The following TBC1D4 variants were observed in gnomAD, a reference collection of about 807,000 sequenced individuals.
The protein encoded by TBC1D4 is TBC1 domain family member 4.
In TBC1D4, 121 loss-of-function variants were observed where a neutral mutation model predicts 142.5. The observed-to-expected ratio is 0.85, with a 90% CI of 0.73 to 0.99. The LOEUF is 0.99. Ranked by LOEUF, TBC1D4 falls within the 50% of genes least tolerant of loss-of-function variation. The pLI, the probability that TBC1D4 is intolerant of heterozygous loss-of-function variation, is 0.00. For missense variants in TBC1D4, 1,475 were observed against 1,606.6 expected, an observed-to-expected ratio of 0.92 and a Z score of 1.40; for synonymous variants, 630 against 628.2, an observed-to-expected ratio of 1.00 and a Z score of -0.04.
chr13:75,410,562 G>C (rs1303608017), intron 1 of TBC1D4, among the ~76,000 whole-genome samples: 2 of 152,144 alleles, frequency 1.3e-5, no homozygotes, highest in Non-Finnish European at 2.9e-5. Flanking sequence ...GTCTATATTT[G>C]GTTATCAAGA....
chr13:75,383,913 C>T (rs1251702688), intron 1 of TBC1D4, among the ~76,000 whole-genome samples: 2 of 152,058 alleles, frequency 1.3e-5, no homozygotes, highest in Non-Finnish European at 2.9e-5. Context: ...CATGGCCTAC[C>T]AGTTTTCCTG....
intron 1 of TBC1D4, among the ~76,000 whole-genome samples, chr13:75,413,880 C>T (rs1384555942): frequency 6.6e-6 from 1 of 152,086 alleles, no homozygotes; most frequent in Non-Finnish European, 1.5e-5. Flanking sequence ...TAACTAAAAC[C>T]AAACATGGTT....
At chr13:75,342,741 A>T (rs1481130840) in intron 5 of TBC1D4, among the ~76,000 whole-genome samples, 1 of 152,078 alleles carries the variant, frequency 6.6e-6, no homozygotes, top group Non-Finnish European at 1.5e-5. Flanking sequence ...TCAAAAGAAG[A>T]TTCAAAGAAA....
intron 1 of TBC1D4, among the ~76,000 whole-genome samples, chr13:75,447,391 A>G (rs1419730498): frequency 6.6e-6 from 1 of 152,100 alleles, no homozygotes; most frequent in African/African-American, 2.4e-5. Context: ...TCTAATATAA[A>G]TGCTAAAACA....
intron 1 of TBC1D4, chr13:75,375,887 A>G (rs956443881): frequency 2.0e-5 from 3 of 151,938 alleles, no homozygotes; most frequent in Non-Finnish European, 2.9e-5. Context: ...TCCTAGCAAC[A>G]AGAGAAGCTA....
chr13:75,436,471 C>G (rs771289077), intron 1 of TBC1D4, among the ~76,000 whole-genome samples: 13 of 152,156 alleles, frequency 8.5e-5, no homozygotes, highest in South Asian at 2.1e-4. Context: ...ACCTGGACAA[C>G]ATGGTGAAAC....
At chr13:75,403,967 C>A (rs996792903) in intron 1 of TBC1D4, among the ~76,000 whole-genome samples, 1 of 151,956 alleles carries the variant, frequency 6.6e-6, no homozygotes, top group African/African-American at 2.4e-5. Context: ...AGATTATACA[C>A]AATGCTAGAG....
Position 75,302,253 on chromosome 13 carries a change from G to C in TBC1D4, c.2901C>G (p.Leu967=). Residue 967 remains leucine (L), a synonymous_variant, in exon 16 of 21, where the codon CTC becomes CTG. Coordinates refer to ENST00000377636, the MANE Select transcript of TBC1D4 (RefSeq NM_014832.5). ...ACATGACAAACATACCTAAATCCAC[G>C]AGAATCGCATGCTGCTGAGCAGTGA... ...KQLTAQQHAI[L]VDLGRTFPTH... is the part of the protein sequence containing the mutation. The C allele has an allele frequency of 6.2e-7, 1 of 1,613,888 alleles. No individual in the cohort carries two copies.
intron 14 of TBC1D4, among the ~76,000 whole-genome samples, chr13:75,309,234 C>A (rs948375520): frequency 6.6e-6 from 1 of 151,976 alleles, no homozygotes; most frequent in African/African-American, 2.4e-5. Context: ...TCTATCAGTA[C>A]TGGAGTAAAT....
chr13:75,333,815 G>A (rs1412060201), intron 8 of TBC1D4, among the ~76,000 whole-genome samples: 1 of 152,158 alleles, frequency 6.6e-6, no homozygotes, highest in East Asian at 1.9e-4. Context: ...CTTCAGTCTG[G>A]AGTTATTCCT....
chr13:75,445,396 A>G (rs1425516183), intron 1 of TBC1D4, among the ~76,000 whole-genome samples: 4 of 152,198 alleles, frequency 2.6e-5, no homozygotes, highest in Non-Finnish European at 4.4e-5. Context: ...TAGATACTCA[A>G]ATATGAATTA....
chr13:75,476,651 ATAT>A (rs1267939355), intron 1 of TBC1D4, among the ~76,000 whole-genome samples: 3 of 152,238 alleles, frequency 2.0e-5, no homozygotes, highest in Admixed American at 6.5e-5. Context: ...CCAGAGTCAA[ATAT>A]TATTTCTCCT....
intron 12 of TBC1D4, among the ~76,000 whole-genome samples, chr13:75,318,026 C>G (rs1429674103): frequency 6.6e-6 from 1 of 152,186 alleles, no homozygotes; most frequent in African/African-American, 2.4e-5. Context: ...ATAGTCTTCA[C>G]CAGATCAACT....
chr13:75,332,539 G>A (rs1879836292), intron 8 of TBC1D4, among the ~76,000 whole-genome samples: 1 of 152,154 alleles, frequency 6.6e-6, no homozygotes, highest in Non-Finnish European at 1.5e-5. Flanking sequence ...CCTTAAGTAA[G>A]TGTAATTGCA....
At chr13:75,474,668 A>C (rs1324037114) in intron 1 of TBC1D4, among the ~76,000 whole-genome samples, 6 of 129,962 alleles carry the variant, frequency 4.6e-5, no homozygotes, top group Admixed American at 8.6e-5. Context: ...TTTTAATCTC[A>C]CTTTGTCGCC....
rs988317315 is a variant in TBC1D4, at chr13:75,286,239, C to A, written c.*553G>T. On this transcript the variant is annotated 3_prime_UTR_variant, in exon 21 of 21. Coordinates refer to ENST00000377636, the MANE Select transcript of TBC1D4 (RefSeq NM_014832.5). ...AACTCACAGGAGCATGACCAGTAAT[C>A]ATTTTCCTCATATAGACAATGTCAG... 2 of 153,616 alleles carry A rather than the reference C, an allele frequency of 1.3e-5. No individual in the cohort carries two copies. The highest frequency in any genetic ancestry group is 4.8e-5 in the African/African-American group (2 of 41,450). The allele number at this position is 153,616 out of a possible 1,614,324, so 9.5% of individuals were successfully genotyped here. A position where few individuals can be genotyped will look rare whatever the true frequency, so the allele number is the denominator to read the frequency against.
chr13:75,309,723 C>T (rs1339957418), intron 14 of TBC1D4, among the ~76,000 whole-genome samples: 4 of 152,100 alleles, frequency 2.6e-5, no homozygotes, highest in African/African-American at 9.7e-5. Context: ...AATGCAAACC[C>T]ATTTAAAACA....
rs753323890 is a variant in TBC1D4, at chr13:75,362,533, A to G, written c.573T>C (p.Asp191=). 3 of 1,614,216 alleles carry G rather than the reference A, an allele frequency of 1.9e-6. No homozygotes were observed. Among genetic ancestry groups the G allele is most frequent in the South Asian group, 2.2e-5 (2 of 91,090 alleles). Residue 191 remains aspartate (D), a synonymous_variant, in exon 2 of 21, where the codon GAT becomes GAC. Coordinates refer to ENST00000377636, the MANE Select transcript of TBC1D4 (RefSeq NM_014832.5). The surrounding 1 kb of genome is among the most constrained non-coding windows in gnomAD (Gnocchi z 4.2). ...AMKEDAKPSK[D]NEDAFYNSQK... ...GAGAGTTGTAAAAGGCGTCCTCATT[A>G]TCTTTGCTGGGTTTGGCATCCTCTT...
At chr13:75,353,259 A>G (rs530090939) in intron 4 of TBC1D4, among the ~76,000 whole-genome samples, 1 of 152,342 alleles carries the variant, frequency 6.6e-6, no homozygotes, top group South Asian at 2.1e-4. Flanking sequence ...AATGAAAACT[A>G]AAAACAAAAC....
Sources: allele counts gnomAD v4.1 joint callset (sites outside exome capture counted in the v4.1 genomes callset), GRCh38; gene constraint gnomAD v4.1.1; non-coding constraint Gnocchi (gnomAD v3.1); transcripts MANE v1.5; gene names NCBI Gene and HGNC (gene_info 2026-07-23, HGNC 2026-07-21).